GALNT11: variants seen among roughly 807,000 people sequenced by gnomAD.
GALNT11 encodes the protein polypeptide N-acetylgalactosaminyltransferase 11, also known as UDP-GalNAc:polypeptide N-acetylgalactosaminyltransferase 11.
GALNT11 carries 47 observed loss-of-function variants against 72.7 expected under a neutral mutation model. The observed-to-expected ratio is 0.65, with a 90% CI of 0.51 to 0.82. The LOEUF (loss-of-function observed/expected upper bound fraction) is 0.82. Ranked by LOEUF, GALNT11 falls within the 40% of genes least tolerant of loss-of-function variation. The pLI, the probability that GALNT11 is intolerant of heterozygous loss-of-function variation, is 0.00. For missense variants in GALNT11, 677 were observed against 778.4 expected (o/e 0.87, Z 1.55); for synonymous variants, 270 against 286.6 (o/e 0.94, Z 0.58).
chr7:152,067,931 T>TG (rs2084406783), intron 1 of GALNT11, among the ~76,000 whole-genome samples: 1 of 152,008 alleles, frequency 6.6e-6, no homozygotes, highest in Non-Finnish European at 1.5e-5. Flanking sequence ...ACACGTCACA[T>TG]GGTGAAAGCA....
chr7:152,069,997 C>CTTTTTTTTTTTTTTTTT (rs879494057), intron 1 of GALNT11, among the ~76,000 whole-genome samples: 1 of 143,438 alleles, frequency 7.0e-6, no homozygotes, highest in African/African-American at 2.8e-5. Flanking sequence ...TTTTCTTTTT[C>CTTTTTTTTTTTTTTTTT]TTTTTCTTTT....
rs770762615 is a variant in GALNT11, at chr7:152,121,708, T to C, written c.*31T>C. 8.1e-6 allele frequency: 13 copies of C among 1,604,038 alleles called. No homozygotes were observed. The highest frequency in any genetic ancestry group is 1.7e-5 in the Admixed American group (1 of 59,230). On this transcript the variant is annotated 3_prime_UTR_variant, in exon 12 of 12. Coordinates refer to ENST00000430044, the MANE Select transcript of GALNT11 (RefSeq NM_022087.4). ...ATGCTGTGGTGGGAACGTTGCTTCA[T>C]CAGGCGTTGCCTCCGGTGTGGAGTT...
chr7:152,041,710 T>C (rs1480502249), intron 1 of GALNT11, among the ~76,000 whole-genome samples: 1 of 152,176 alleles, frequency 6.6e-6, no homozygotes, highest in Non-Finnish European at 1.5e-5. Flanking sequence ...GAGACTAGGA[T>C]CTCCTCTAAG....
intron 1 of GALNT11, among the ~76,000 whole-genome samples, chr7:152,092,060 C>T (rs1038531478): frequency 1.3e-5 from 2 of 152,166 alleles, no homozygotes; most frequent in African/African-American, 2.4e-5. Context: ...AAGGGGTTGG[C>T]TCCCTAGGTG....
intron 1 of GALNT11, among the ~76,000 whole-genome samples, chr7:152,048,409 A>G (rs1045003349): frequency 6.6e-6 from 1 of 152,002 alleles, no homozygotes; most frequent in East Asian, 1.9e-4. Context: ...TGATGTTCTC[A>G]TACTTAAATA....
intron 1 of GALNT11, among the ~76,000 whole-genome samples, chr7:152,033,784 G>A (rs1378792973): frequency 6.6e-6 from 1 of 152,152 alleles, no homozygotes; most frequent in Non-Finnish European, 1.5e-5. Context: ...ATCCATACTG[G>A]GGATGGCTTG....
chr7:152,031,349 G>A (rs1341730188), intron 1 of GALNT11, among the ~76,000 whole-genome samples: 2 of 152,192 alleles, frequency 1.3e-5, no homozygotes, highest in East Asian at 1.9e-4. Flanking sequence ...AGTCATGCTC[G>A]ATTGGTTCCC....
chr7:152,040,992 G>A (rs140860976), intron 1 of GALNT11, among the ~76,000 whole-genome samples: 12 of 152,274 alleles, frequency 7.9e-5, no homozygotes, highest in South Asian at 2.1e-4. Context: ...GCAGCTTCTC[G>A]ATCTGTCCCC....
chr7:152,067,104 A>G lies in GALNT11; in HGVS notation c.-38-27086A>G, dbSNP rs550913129. ...TGAGGTATACCTCCACTGGTCAGGT[A>G]TCTTGTAGATGTCCCTCAGTTGGGA... On this transcript the variant is annotated intron_variant, in intron 1 of 11. Coordinates refer to ENST00000430044, the MANE Select transcript of GALNT11 (RefSeq NM_022087.4). Among the ~76,000 whole-genome samples the G allele has an allele frequency of 6.6e-5, 10 of 152,374 alleles. No homozygotes were observed. The South Asian group carries it at 2.1e-3, about 32-fold the overall frequency.
intron 6 of GALNT11, 37 bp from the exon 7 acceptor site, chr7:152,110,491 C>T: frequency 2.8e-6 from 4 of 1,445,046 alleles, no homozygotes; most frequent in Non-Finnish European, 2.9e-6. Context: ...AGATAACTGA[C>T]TATAAGGAAT....
At chr7:152,064,203 C>T (rs2084177658) in intron 1 of GALNT11, among the ~76,000 whole-genome samples, 1 of 152,170 alleles carries the variant, frequency 6.6e-6, no homozygotes, top group African/African-American at 2.4e-5. Flanking sequence ...GATCCCTTTA[C>T]CGTTATGTGA....
At chr7:152,076,027 A>AC (rs1479431232) in intron 1 of GALNT11, among the ~76,000 whole-genome samples, 1 of 125,538 alleles carries the variant, frequency 8.0e-6, no homozygotes, top group African/African-American at 3.0e-5. Flanking sequence ...GTGCCACTGC[A>AC]CTCCAGCCTG....
intron 8 of GALNT11, chr7:152,116,812 A>G (rs1338665625): frequency 3.3e-5 from 15 of 448,992 alleles, no homozygotes; most frequent in Non-Finnish European, 5.6e-5. Flanking sequence ...TTCTCACTAC[A>G]TTTTGTGTTT....
At position 152,100,786 on chromosome 7, in the gene GALNT11, A is replaced by G. The variant is rs1159327575; in HGVS notation, c.296-12A>G. On this transcript the variant is annotated splice_polypyrimidine_tract_variant and intron_variant, in intron 2 of 11. Transcript: ENST00000430044. ...TAGATTTAATTCGCTGACTAACTTC[A>G]CTCTTTTGCAGGTATGATTTTTAAT... 1 of 1,612,682 alleles carries G rather than the reference A, an allele frequency of 6.2e-7. No homozygotes were observed. Among genetic ancestry groups the G allele is most frequent in the South Asian group, 1.1e-5 (1 of 90,986 alleles).
chr7:152,041,454 A>G (rs573391129), intron 1 of GALNT11, among the ~76,000 whole-genome samples: 5 of 152,186 alleles, frequency 3.3e-5, no homozygotes, highest in Non-Finnish European at 1.5e-5. Flanking sequence ...GCCATTTCCT[A>G]TTATATCACT....
intron 1 of GALNT11, among the ~76,000 whole-genome samples, chr7:152,081,714 T>C (rs1209355023): frequency 6.6e-6 from 1 of 152,212 alleles, no homozygotes; most frequent in East Asian, 1.9e-4. Context: ...CCTCTTCTTA[T>C]GGGTATCAGC....
rs534453917 is a variant in GALNT11 at position 152,052,052 on chromosome 7, C to A, written c.-39+26168C>A. 3.3e-5 allele frequency among the ~76,000 whole-genome samples: 5 copies of A among 152,216 alleles called. No homozygotes were observed. The South Asian group carries it at 8.3e-4, about 25-fold the overall frequency. ...AGCAATAATTCCCCATTTTCCCAGC[C>A]CCTTTCTGTTTGTGTGAATATGCGT... On this transcript the variant is annotated intron_variant, in intron 1 of 11. Transcript: ENST00000430044.
intron 1 of GALNT11, among the ~76,000 whole-genome samples, chr7:152,087,008 G>A (rs2085690498): frequency 6.6e-6 from 1 of 152,044 alleles, no homozygotes; most frequent in Non-Finnish European, 1.5e-5. Context: ...CAAGCATGTT[G>A]CTAACCATAT....
chr7:152,082,182 C>A (rs560543910), intron 1 of GALNT11, among the ~76,000 whole-genome samples: 39 of 152,256 alleles, frequency 2.6e-4, no homozygotes, highest in Admixed American at 3.3e-4. Context: ...AGAAGGTATA[C>A]CATGTGTTAG....
Sources: allele counts gnomAD v4.1 joint callset (sites outside exome capture counted in the v4.1 genomes callset), GRCh38; gene constraint gnomAD v4.1.1; transcripts MANE v1.5; gene names NCBI Gene and HGNC (gene_info 2026-07-23, HGNC 2026-07-21).